Variants in FUT6 observed in about 807,000 individuals in gnomAD.
FUT6 encodes 4-galactosyl-N-acetylglucosaminide 3-alpha-L-fucosyltransferase FUT6.
For missense variants in FUT6, 454 were observed against 494.6 expected (o/e 0.92, Z 0.78); for synonymous variants, 187 against 209.9 (o/e 0.89, Z 0.94).
chr19:5,834,374 G>A (rs1053576904), intron 2 of FUT6: 8 of 152,460 alleles, frequency 5.2e-5, no homozygotes, highest in African/African-American at 1.7e-4. Flanking sequence ...AGCAGGCTTT[G>A]GTGGAACTTG....
chr19:5,831,346 G>A lies in FUT6; in HGVS notation c.*142C>T. The A allele has an allele frequency of 6.3e-7, 1 of 1,595,866 alleles. No homozygotes were observed. The highest frequency in any genetic ancestry group is 8.5e-7 in the Non-Finnish European group (1 of 1,170,094). The stretch of plus-strand genomic sequence containing the variant: ...GGTGAATCCCCAGGCAGGTGAAGCT[G>A]CAACAGGTGACCGTCCCAGGCAGGT... On this transcript the variant is annotated 3_prime_UTR_variant, in exon 3 of 3. Coordinates refer to ENST00000318336, the MANE Select transcript of FUT6 (RefSeq NM_000150.4). This position sits in a 1 kb window ranked among gnomAD's most constrained non-coding sequence, Gnocchi z 7.0.
At position 5,831,487 on chromosome 19, in the gene FUT6, C is replaced by A. The variant is rs749274423; in HGVS notation, c.*1G>T. On this transcript the variant is annotated 3_prime_UTR_variant, in exon 3 of 3. Coordinates refer to ENST00000318336, the MANE Select transcript of FUT6 (RefSeq NM_000150.4). This position sits in a 1 kb window ranked among gnomAD's most constrained non-coding sequence, Gnocchi z 7.0. ...GGCAGCCCAGGCCCCACACCAGCCT[C>A]TCAGGTGAACCAAGCCGCTATGCCG... 3.1e-6 allele frequency: 5 copies of A among 1,614,022 alleles called. No homozygotes were observed. The highest frequency in any genetic ancestry group is 1.7e-6 in the Non-Finnish European group (2 of 1,180,050).
intron 2 of FUT6, chr19:5,834,170 A>C (rs73536629): frequency 6.6e-6 from 1 of 152,152 alleles, no homozygotes; most frequent in Non-Finnish European, 1.5e-5. Context: ...ATATTCACTC[A>C]GGGTTTCTTT....
In FUT6 at chr19:5,836,836, C is replaced by T. The variant is rs146172666; in HGVS notation, c.-140-1759G>A. On this transcript the variant is annotated intron_variant, in intron 1 of 2. Transcript: ENST00000318336. ...CTTCTGCTTAGACAATAGAATGAGA[C>T]CGTGTCTCAAAATAAATAAATAAAT... is the stretch of plus-strand genomic sequence containing the variant. Among the ~76,000 whole-genome samples, 521 of 148,720 alleles carry T rather than the reference C, an allele frequency of 3.5e-3. 6 individuals are homozygous for T. Among genetic ancestry groups the T allele is most frequent in the African/African-American group, 0.012 (500 of 40,332 alleles).
Position 5,832,728 on chromosome 19 carries a change from A to T in FUT6, c.-12-149T>A, listed in dbSNP as rs1353749149. 1.5e-6 allele frequency: 1 copy of T among 668,142 alleles called. No homozygotes were observed. The highest frequency in any genetic ancestry group is 1.8e-5 in the African/African-American group (1 of 55,510). 41.4% of individuals were successfully genotyped at this position (668,142 alleles called of 1,614,324 possible). ...CAAGTGACTCACAGCAAAAGTCAGC[A>T]CAGCTGGTGTTTGAACAAAGGGAGC... On this transcript the variant is annotated intron_variant, in intron 2 of 2. Transcript: ENST00000318336. This position sits in a 1 kb window ranked among gnomAD's most constrained non-coding sequence, Gnocchi z 4.3.
At chr19:5,833,273 G>C (rs1164210792) in intron 2 of FUT6, among the ~76,000 whole-genome samples, 3 of 152,160 alleles carry the variant, frequency 2.0e-5, no homozygotes, top group Non-Finnish European at 4.4e-5. Flanking sequence ...GAGGCGGGCA[G>C]ATCACGAGGT....
At chr19:5,837,640 C>T (rs2057198098) in intron 1 of FUT6, among the ~76,000 whole-genome samples, 1 of 151,950 alleles carries the variant, frequency 6.6e-6, no homozygotes, top group Non-Finnish European at 1.5e-5. Context: ...GTGGCGGGCA[C>T]CTGTAGTCCC....
chr19:5,837,364 T>G (rs1343563098), intron 1 of FUT6, among the ~76,000 whole-genome samples: 1 of 151,544 alleles, frequency 6.6e-6, no homozygotes, highest in Non-Finnish European at 1.5e-5. Flanking sequence ...AAATACAGAT[T>G]GAGTAGTTAT....
In FUT6 at chr19:5,831,760, G is replaced by A. The variant is rs1301222593; in HGVS notation, c.808C>T (p.Pro270Ser). Residue 270 changes from proline to serine, a missense_variant, in exon 3 of 3, where the codon CCC becomes TCC. Pro to Ser is a moderately conservative substitution (Grantham distance 74). Coordinates refer to ENST00000318336, the MANE Select transcript of FUT6 (RefSeq NM_000150.4). The surrounding 1 kb of genome is among the most constrained non-coding windows in gnomAD (Gnocchi z 7.0). ...CTTCTGCTGGGGCCCAGCACCACGG[G>A]CACGGCCCAGGCCTCCAGGGCGTTC... Reference protein sequence around the residue: ...WRNALEAWAVPVVLGPSRSNY... With the variant: ...WRNALEAWAVSVVLGPSRSNY... 2 of 1,613,262 alleles carry A rather than the reference G, an allele frequency of 1.2e-6. No homozygotes were observed. Among genetic ancestry groups the A allele is most frequent in the South Asian group, 2.2e-5 (2 of 91,030 alleles).
In FUT6 at chr19:5,831,170, A is replaced by G; in HGVS notation, c.*318T>C. ...AAAGTCCCCAACAGCCGAGGTCCCCAGTAGGCAAAGTCCCCAGGAGACATC... is the reference window on the plus strand; with the variant it reads ...AAAGTCCCCAACAGCCGAGGTCCCCGGTAGGCAAAGTCCCCAGGAGACATC... On this transcript the variant is annotated 3_prime_UTR_variant, in exon 3 of 3. Coordinates refer to ENST00000318336, the MANE Select transcript of FUT6 (RefSeq NM_000150.4). This position sits in a 1 kb window ranked among gnomAD's most constrained non-coding sequence, Gnocchi z 7.0. The G allele has an allele frequency of 1.5e-6, 1 of 659,984 alleles. No individual in the cohort carries two copies. Among genetic ancestry groups the G allele is most frequent in the Non-Finnish European group, 2.7e-6 (1 of 372,022 alleles). The allele number at this position is 659,984 out of a possible 1,614,324, so 40.9% of individuals were successfully genotyped here. A position where few individuals can be genotyped will look rare whatever the true frequency, so the allele number is the denominator to read the frequency against.
rs1230626067 is a variant in FUT6 at position 5,839,158 on chromosome 19, C to A, written c.-622G>T. The stretch of plus-strand genomic sequence containing the variant: ...ATCCCACCTTCTCACTCAGTTGGCC[C>A]ATCACCAAATATTTCCTGAGCACTA... On this transcript the variant is annotated 5_prime_UTR_variant, in exon 1 of 3. It removes an upstream start codon present in the reference 5' UTR. Coordinates refer to ENST00000318336, the MANE Select transcript of FUT6 (RefSeq NM_000150.4). 2 of 152,188 alleles carry A rather than the reference C, an allele frequency of 1.3e-5. No homozygotes were observed. The highest frequency in any genetic ancestry group is 2.9e-5 in the Non-Finnish European group (2 of 68,028). The allele number at this position is 152,188 out of a possible 1,614,324, so 9.4% of individuals were successfully genotyped here.
chr19:5,834,201 C>T (rs17271883), intron 2 of FUT6: 66,362 of 152,134 alleles, frequency 0.44, 15,795 homozygotes, highest in African/African-American at 0.61. Context: ...CCAAAGGTTA[C>T]TCCTCTGGTA....
At position 5,831,073 on chromosome 19, in the gene FUT6, G is replaced by T. The variant is rs920115349; in HGVS notation, c.*415C>A. Reference sequence around the variant, plus strand: ...AGGGCCCAGTGCCCTCCAGGGTGAGGTCCCCAGCAGGTGAGGCTCCTAGCA... The same window carrying T: ...AGGGCCCAGTGCCCTCCAGGGTGAGTTCCCCAGCAGGTGAGGCTCCTAGCA... On this transcript the variant is annotated 3_prime_UTR_variant, in exon 3 of 3. Coordinates refer to ENST00000318336, the MANE Select transcript of FUT6 (RefSeq NM_000150.4). The surrounding 1 kb of genome is among the most constrained non-coding windows in gnomAD (Gnocchi z 7.0). 1.1e-5 allele frequency: 6 copies of T among 552,234 alleles called. No homozygotes were observed. The highest frequency in any genetic ancestry group is 1.6e-5 in the Non-Finnish European group (5 of 307,826). 34.2% of individuals were successfully genotyped at this position (552,234 alleles called of 1,614,324 possible).
Position 5,832,658 on chromosome 19 carries a change from G to C in FUT6, c.-12-79C>G. The C allele has an allele frequency of 9.2e-7, 1 of 1,086,044 alleles. No individual in the cohort carries two copies. The highest frequency in any genetic ancestry group is 1.4e-6 in the Non-Finnish European group (1 of 712,980). 67.3% of individuals were successfully genotyped at this position (1,086,044 alleles called of 1,614,324 possible). A position where few individuals can be genotyped will look rare whatever the true frequency, so the allele number is the denominator to read the frequency against. On this transcript the variant is annotated intron_variant, in intron 2 of 2. Coordinates refer to ENST00000318336, the MANE Select transcript of FUT6 (RefSeq NM_000150.4). The surrounding 1 kb of genome is among the most constrained non-coding windows in gnomAD (Gnocchi z 4.3). ...CAAAGCTCCAGGCCATGAGTCCTGA[G>C]AAGAGCTGTTATTATTCCTGTTACA...
At position 5,831,994 on chromosome 19, in the gene FUT6, C is replaced by G; in HGVS notation, c.574G>C (p.Val192Leu). The change falls in exon 3 of 3, where the codon GTG (valine) becomes CTG (leucine). Residue 192 changes from valine (V) to leucine (L), a missense_variant. Val to Leu is a conservative substitution (Grantham distance 32). Transcript: ENST00000318336. The surrounding 1 kb of genome is among the most constrained non-coding windows in gnomAD (Gnocchi z 7.0). The stretch of plus-strand genomic sequence containing the variant: ...CCCCAGTTGGACACTGCCCAGGCCA[C>G]CAGCTCGGTCTTGGCCGAGAGGTTG... ...PLNLSAKTELVAWAVSNWGPN... is the reference protein window; with the variant it reads ...PLNLSAKTELLAWAVSNWGPN... 1 of 1,613,964 alleles carries G rather than the reference C, an allele frequency of 6.2e-7. No homozygotes were observed. The highest frequency in any genetic ancestry group is 1.1e-5 in the South Asian group (1 of 91,076).
Position 5,831,589 on chromosome 19 carries a change from G to T in FUT6, c.979C>A (p.Pro327Thr). Reference sequence around the variant, plus strand: ...GCGAGTGCCCAGCTGAAGGAGCGAGGCCGCAGCGTCTCCCGCCAGCGAAAG... The same window carrying T: ...GCGAGTGCCCAGCTGAAGGAGCGAGTCCGCAGCGTCTCCCGCCAGCGAAAG... ...SYFRWRETLR[P>T]RSFSWALAFC... The change falls in exon 3 of 3, where the codon CCT (proline) becomes ACT (threonine). Residue 327 changes from proline to threonine, a missense_variant. Transcript: ENST00000318336. The surrounding 1 kb of genome is among the most constrained non-coding windows in gnomAD (Gnocchi z 7.0). The T allele has an allele frequency of 6.2e-7, 1 of 1,614,090 alleles. No individual in the cohort carries two copies. The highest frequency in any genetic ancestry group is 8.5e-7 in the Non-Finnish European group (1 of 1,180,008).
chr19:5,834,981 G>C lies in FUT6; in HGVS notation c.-44C>G, dbSNP rs926888828. 2.6e-5 allele frequency: 4 copies of C among 152,252 alleles called. No homozygotes were observed. Among genetic ancestry groups the C allele is most frequent in the Non-Finnish European group, 5.9e-5 (4 of 68,116 alleles). 9.4% of individuals were successfully genotyped at this position (152,252 alleles called of 1,614,324 possible). ...CCGCTCCCTGGACACTGCTGCGTCTGACACCTTCTGGGAGATGCTAGAGGG... is the reference window on the plus strand; with the variant it reads ...CCGCTCCCTGGACACTGCTGCGTCTCACACCTTCTGGGAGATGCTAGAGGG... On this transcript the variant is annotated 5_prime_UTR_variant, in exon 2 of 3. Coordinates refer to ENST00000318336, the MANE Select transcript of FUT6 (RefSeq NM_000150.4).
At chr19:5,836,619 A>G (rs2057184319) in intron 1 of FUT6, among the ~76,000 whole-genome samples, 1 of 152,200 alleles carries the variant, frequency 6.6e-6, no homozygotes, top group African/African-American at 2.4e-5. Flanking sequence ...GCTTGATTCC[A>G]AGAGTTTGAG....
At chr19:5,833,718 G>A (rs2057140038) in intron 2 of FUT6, among the ~76,000 whole-genome samples, 2 of 151,710 alleles carry the variant, frequency 1.3e-5, no homozygotes, top group South Asian at 2.1e-4. Context: ...ACTTGAACCC[G>A]GGAGGAGGAG....
Sources: allele counts gnomAD v4.1 joint callset (sites outside exome capture counted in the v4.1 genomes callset), GRCh38; gene constraint gnomAD v4.1.1; non-coding constraint Gnocchi (gnomAD v3.1); transcripts MANE v1.5; gene names NCBI Gene and HGNC (gene_info 2026-07-23, HGNC 2026-07-21).